The following ROBO1 variants were observed in gnomAD, a reference collection of about 807,000 sequenced individuals.
The protein encoded by ROBO1 is roundabout homolog 1.
A neutral mutation model predicts 195.9 loss-of-function variants in ROBO1; 149 were observed. The observed-to-expected ratio is 0.76, with a 90% confidence interval of 0.67 to 0.87. The LOEUF is 0.87. Among genes scored for constraint, ROBO1 ranks in the 40% least tolerant of loss-of-function variants. The pLI is 0.00. For missense variants in ROBO1, 1,933 were observed against 2,068.3 expected (o/e 0.93, Z 1.27); for synonymous variants, 816 against 733.2 (o/e 1.11, Z -1.82).
intron 1 of ROBO1, among the ~76,000 whole-genome samples, chr3:79,703,366 A>G (rs1003996615): frequency 2.0e-5 from 3 of 151,716 alleles, no homozygotes; most frequent in African/African-American, 4.8e-5. Flanking sequence ...TTTTAGTCCA[A>G]TGTGTATCTG....
chr3:79,430,253 T>A (rs1163543514), intron 2 of ROBO1, among the ~76,000 whole-genome samples: 5 of 152,094 alleles, frequency 3.3e-5, no homozygotes, highest in African/African-American at 1.2e-4. Context: ...ATTCGTAAAT[T>A]TTCAGAAATT....
At chr3:78,628,795 T>C (rs1488210581) in intron 25 of ROBO1, among the ~76,000 whole-genome samples, 1 of 152,218 alleles carries the variant, frequency 6.6e-6, no homozygotes, top group East Asian at 1.9e-4. Flanking sequence ...TTTGACTTCT[T>C]TCTTCTCCCT....
At chr3:79,179,870 C>T (rs77283623) in intron 2 of ROBO1, among the ~76,000 whole-genome samples, 20,239 of 151,986 alleles carry the variant, frequency 0.13, 2,146 homozygotes, top group African/African-American at 0.29. Flanking sequence ...GCATTTGCAC[C>T]GTTAGTTTAC....
intron 2 of ROBO1, among the ~76,000 whole-genome samples, chr3:79,475,395 T>C (rs1386969877): frequency 6.6e-6 from 1 of 152,000 alleles, no homozygotes; most frequent in Non-Finnish European, 1.5e-5. Flanking sequence ...TCATGTTGAA[T>C]ACTTTGTTTA....
At chr3:79,117,321 G>T (rs1010300152) in intron 3 of ROBO1, among the ~76,000 whole-genome samples, 2 of 151,866 alleles carry the variant, frequency 1.3e-5, no homozygotes, top group African/African-American at 2.4e-5. Context: ...AGTGAGTCAA[G>T]ATCGCACCAC....
chr3:79,742,491 A>ACTCT (rs150871760), intron 1 of ROBO1, among the ~76,000 whole-genome samples: 2 of 145,586 alleles, frequency 1.4e-5, no homozygotes, highest in East Asian at 2.0e-4. Flanking sequence ...AGACGGCAAG[A>ACTCT]CTCTCTCTCT....
chr3:79,139,876 G>C (rs1215184738), intron 2 of ROBO1, among the ~76,000 whole-genome samples: 3 of 152,100 alleles, frequency 2.0e-5, no homozygotes, highest in African/African-American at 7.2e-5. Context: ...CTTCAACACA[G>C]GCTAATTAAA....
chr3:78,722,580 T>A (rs1305755721), intron 5 of ROBO1, among the ~76,000 whole-genome samples: 2 of 152,124 alleles, frequency 1.3e-5, no homozygotes, highest in African/African-American at 4.8e-5. Context: ...CATCAATGAC[T>A]AAATAAGGTC....
At chr3:79,152,822 G>A (rs550805831) in intron 2 of ROBO1, among the ~76,000 whole-genome samples, 37 of 151,760 alleles carry the variant, frequency 2.4e-4, no homozygotes, top group Admixed American at 1.4e-3. Flanking sequence ...TTTCTGAGAT[G>A]GTCATATTTA....
At chr3:79,187,042 T>C (rs2081452641) in intron 2 of ROBO1, among the ~76,000 whole-genome samples, 1 of 152,096 alleles carries the variant, frequency 6.6e-6, no homozygotes, top group Non-Finnish European at 1.5e-5. Flanking sequence ...ATAATTCACA[T>C]CAGCATTCTG....
At chr3:78,963,821 C>T (rs2041533253) in intron 3 of ROBO1, among the ~76,000 whole-genome samples, 1 of 152,038 alleles carries the variant, frequency 6.6e-6, no homozygotes, top group South Asian at 2.1e-4. Flanking sequence ...CCCTCCCCTT[C>T]AGATTCTTTA....
At chr3:79,011,642 AT>A (rs920600459) in intron 3 of ROBO1, among the ~76,000 whole-genome samples, 19 of 149,038 alleles carry the variant, frequency 1.3e-4, no homozygotes, top group East Asian at 2.0e-4. Context: ...TTTTATATAT[AT>A]TTTTTTCATA....
chr3:79,312,530 G>A (rs1463577166), intron 2 of ROBO1, among the ~76,000 whole-genome samples: 1 of 152,170 alleles, frequency 6.6e-6, no homozygotes, highest in Non-Finnish European at 1.5e-5. Context: ...ATAGTGAAAA[G>A]TATATCTCTC....
chr3:79,197,169 C>T (rs1488245547), intron 2 of ROBO1, among the ~76,000 whole-genome samples: 1 of 151,852 alleles, frequency 6.6e-6, no homozygotes, highest in Non-Finnish European at 1.5e-5. Context: ...AGGTATTTCT[C>T]CTAATGCTAT....
chr3:79,255,100 C>A (rs566279222), intron 2 of ROBO1, among the ~76,000 whole-genome samples: 1 of 152,156 alleles, frequency 6.6e-6, no homozygotes, highest in Non-Finnish European at 1.5e-5. Flanking sequence ...ACTAAGGAAA[C>A]CAGCCTACTC....
chr3:79,632,148 A>T (rs1945364339), intron 1 of ROBO1, among the ~76,000 whole-genome samples: 1 of 152,156 alleles, frequency 6.6e-6, no homozygotes, highest in Non-Finnish European at 1.5e-5. Context: ...CAAAGGTAAA[A>T]GAAAACATTA....
chr3:78,937,875 CTAACT>C (rs1398381376), intron 4 of ROBO1: 1 of 151,914 alleles, frequency 6.6e-6, no homozygotes, highest in African/African-American at 2.4e-5. Context: ...GTTTAAAACC[CTAACT>C]TAAACTGCCA....
At chr3:79,737,290 T>C (rs911705900) in intron 1 of ROBO1, among the ~76,000 whole-genome samples, 2 of 152,122 alleles carry the variant, frequency 1.3e-5, no homozygotes, top group African/African-American at 2.4e-5. Context: ...ACAAAGAAAG[T>C]GGAGGAGAAA....
chr3:79,676,399 C>A (rs1344237859), intron 1 of ROBO1, among the ~76,000 whole-genome samples: 1 of 152,002 alleles, frequency 6.6e-6, no homozygotes, highest in Non-Finnish European at 1.5e-5. Flanking sequence ...TTAATTGGGT[C>A]CTCTGCTGAG....
Sources: allele counts gnomAD v4.1 joint callset (sites outside exome capture counted in the v4.1 genomes callset), GRCh38; gene constraint gnomAD v4.1.1; transcripts MANE v1.5; gene names NCBI Gene and HGNC (gene_info 2026-07-23, HGNC 2026-07-21).